The following DOCK1 variants were observed in gnomAD, a reference collection of about 807,000 sequenced individuals.
The protein encoded by DOCK1 is dedicator of cytokinesis protein 1.
A neutral mutation model predicts 262.7 loss-of-function variants in DOCK1; 138 were observed. That is an observed-to-expected ratio of 0.53 (90% CI 0.46 to 0.61). The LOEUF (loss-of-function observed/expected upper bound fraction) is 0.61, where lower values mean the gene tolerates loss of function less well. Ranked by LOEUF, DOCK1 falls within the 20% of genes least tolerant of loss-of-function variation. The pLI is 0.00. For missense variants in DOCK1, 1,908 were observed against 2,370.7 expected, an observed-to-expected ratio of 0.80 and a Z score of 4.05; for synonymous variants, 866 against 867.4, an observed-to-expected ratio of 1.00 and a Z score of 0.03.
intron 30 of DOCK1, among the ~76,000 whole-genome samples, chr10:127,339,650 C>T (rs554589728): frequency 1.2e-4 from 15 of 126,388 alleles, no homozygotes; most frequent in East Asian, 2.1e-4. Context: ...TGTGTGTGTG[C>T]GCGCGCGCAT....
intron 27 of DOCK1, among the ~76,000 whole-genome samples, chr10:127,241,517 G>A (rs1016346679): frequency 1.1e-4 from 17 of 152,122 alleles, no homozygotes; most frequent in African/African-American, 3.6e-4. Context: ...GCATGGAGGC[G>A]CATGGGCTTT....
At position 127,110,287 on chromosome 10, in the gene DOCK1, C is replaced by G. The variant is rs768455202; in HGVS notation, c.2556C>G (p.Gly852=). Residue 852 remains glycine (G), a synonymous_variant, in exon 25 of 52, where the codon GGC becomes GGG. Coordinates refer to ENST00000623213, the MANE Select transcript of DOCK1 (RefSeq NM_001290223.2). ...AATTCATCCTCAATGTTCCCATGGGCTTGCTGACCATCCAGAAACTCTACT... is the reference window on the plus strand; with the variant it reads ...AATTCATCCTCAATGTTCCCATGGGGTTGCTGACCATCCAGAAACTCTACT... ...FTEFILNVPM[G]LLTIQKLYCL... 6.2e-7 allele frequency: 1 copy of G among 1,613,566 alleles called. No homozygotes were observed. Among genetic ancestry groups the G allele is most frequent in the African/African-American group, 1.3e-5 (1 of 74,910 alleles).
intron 1 of DOCK1, among the ~76,000 whole-genome samples, chr10:126,913,496 C>A (rs1221090676): frequency 6.6e-6 from 1 of 152,164 alleles, no homozygotes; most frequent in African/African-American, 2.4e-5. Context: ...CCTTGCGTGG[C>A]CCTCCGTGGC....
At chr10:126,991,286 T>G (rs150473268) in intron 6 of DOCK1, among the ~76,000 whole-genome samples, 2 of 152,284 alleles carry the variant, frequency 1.3e-5, no homozygotes, top group African/African-American at 4.8e-5. Context: ...CTGATCCTAA[T>G]TCTGCTGGGT....
intron 40 of DOCK1, among the ~76,000 whole-genome samples, chr10:127,407,654 C>G (rs2067594299): frequency 6.6e-6 from 1 of 152,092 alleles, no homozygotes; most frequent in Admixed American, 6.5e-5. Flanking sequence ...AAAATGCTGT[C>G]CTCTCTGTCT....
rs1455327896 is a variant in DOCK1 at position 127,100,223 on chromosome 10, G to A, written c.2446-6008G>A. 6.6e-6 allele frequency among the ~76,000 whole-genome samples: 1 copy of A among 152,182 alleles called. No homozygotes were observed. Among genetic ancestry groups the A allele is most frequent in the South Asian group, 2.1e-4 (1 of 4,836 alleles). On this transcript the variant is annotated intron_variant, in intron 23 of 51. Coordinates refer to ENST00000623213, the MANE Select transcript of DOCK1 (RefSeq NM_001290223.2). The surrounding 1 kb of genome is among the most constrained non-coding windows in gnomAD (Gnocchi z 5.5). The stretch of plus-strand genomic sequence containing the variant: ...GTCAGCGTGGAGGCAGGGAGGGCGG[G>A]TAGGAGGCTGTGGCAGCAAAGCCAA...
At chr10:127,181,881 C>T (rs2055770854) in intron 27 of DOCK1, among the ~76,000 whole-genome samples, 1 of 152,190 alleles carries the variant, frequency 6.6e-6, no homozygotes, top group Non-Finnish European at 1.5e-5. Context: ...TTCCTTGGGG[C>T]AAAGCCAGCT....
chr10:126,916,290 C>T (rs926356695), intron 1 of DOCK1, among the ~76,000 whole-genome samples: 5 of 152,174 alleles, frequency 3.3e-5, no homozygotes, highest in African/African-American at 1.2e-4. Flanking sequence ...TCATGTTAAA[C>T]TATTATACAG....
intron 27 of DOCK1, among the ~76,000 whole-genome samples, chr10:127,150,322 A>T (rs532306959): frequency 1.3e-5 from 2 of 152,176 alleles, no homozygotes; most frequent in East Asian, 3.9e-4. Flanking sequence ...ATCCAGCTCA[A>T]TCCCCATTGC....
chr10:127,234,504 A>G (rs1001250776), intron 27 of DOCK1, among the ~76,000 whole-genome samples: 2 of 152,180 alleles, frequency 1.3e-5, no homozygotes, highest in African/African-American at 4.8e-5. Context: ...CTGAAATGGC[A>G]TAAAAATAGA....
intron 29 of DOCK1, 156 bp downstream of exon 29, chr10:127,257,585 G>A: frequency 1.8e-6 from 1 of 565,738 alleles, no homozygotes; most frequent in South Asian, 3.2e-5. Flanking sequence ...GGGAGACAGG[G>A]ACTCTGAGTT....
At chr10:127,089,625 C>T (rs559240080) in intron 23 of DOCK1, among the ~76,000 whole-genome samples, 1 of 152,338 alleles carries the variant, frequency 6.6e-6, no homozygotes, top group East Asian at 1.9e-4. Flanking sequence ...TGGCCAAGTC[C>T]AGGCTTCAGG....
chr10:127,155,813 T>C (rs1192741292), intron 27 of DOCK1, among the ~76,000 whole-genome samples: 1 of 152,218 alleles, frequency 6.6e-6, no homozygotes, highest in South Asian at 2.1e-4. Flanking sequence ...AGCTCAGTGC[T>C]GACCAAGGTC....
chr10:127,274,419 G>C (rs1043944823), intron 29 of DOCK1, among the ~76,000 whole-genome samples: 34 of 152,172 alleles, frequency 2.2e-4, no homozygotes, highest in Admixed American at 1.3e-4. Context: ...ATGTTTTTCA[G>C]GGACTGTTTG....
intron 1 of DOCK1, among the ~76,000 whole-genome samples, chr10:126,927,809 G>A (rs1173638093): frequency 6.6e-6 from 1 of 152,158 alleles, no homozygotes; most frequent in African/African-American, 2.4e-5. Flanking sequence ...ACCCTCCCTA[G>A]GCGTTAAGGA....
chr10:127,274,596 AC>A (rs2135216615), intron 29 of DOCK1, among the ~76,000 whole-genome samples: 1 of 152,316 alleles, frequency 6.6e-6, no homozygotes, highest in South Asian at 2.1e-4. Context: ...GGCCACATGA[AC>A]CTGTACAAAC....
intron 27 of DOCK1, among the ~76,000 whole-genome samples, chr10:127,190,652 A>G (rs1359535612): frequency 8.4e-6 from 1 of 118,604 alleles, no homozygotes; most frequent in East Asian, 2.7e-4. Context: ...AATATTTAAT[A>G]GAAATCCTAT....
At chr10:127,135,728 T>C (rs2483855) in intron 27 of DOCK1, 107,922 of 152,586 alleles carry the variant, frequency 0.71, 42,117 homozygotes, top group South Asian at 0.88. Flanking sequence ...CTGAACATTT[T>C]AATTTTATTT....
At chr10:127,329,141 G>T (rs2062867193) in intron 29 of DOCK1, among the ~76,000 whole-genome samples, 2 of 152,054 alleles carry the variant, frequency 1.3e-5, no homozygotes, top group African/African-American at 4.8e-5. Context: ...CATCCCCCAT[G>T]TATATGGAAC....
Sources: gnomAD v4.1 joint callset for allele counts (sites outside exome capture counted in the v4.1 genomes callset) on GRCh38, gnomAD v4.1.1 for gene constraint, Gnocchi (gnomAD v3.1) non-coding constraint, MANE v1.5 for transcripts, NCBI Gene and HGNC (gene_info 2026-07-23, HGNC 2026-07-21) for gene names.